ESRRG: variants seen among roughly 807,000 people sequenced by gnomAD.
ESRRG encodes the protein estrogen related receptor gamma, also known as estrogen-related receptor gamma.
ESRRG carries 13 observed loss-of-function variants against 44.0 expected under a neutral mutation model. That is an observed-to-expected ratio of 0.30 (90% CI 0.19 to 0.47). The LOEUF is 0.47. ESRRG is among the 20% of genes least tolerant of loss of function. The probability of loss-of-function intolerance (pLI) is 1.00; values close to 1 mark genes in which losing one functional copy is unlikely to be tolerated. For synonymous variants in ESRRG, 215 were observed against 214.6 expected (o/e 1.00, Z -0.02); for missense variants, 395 against 580.6 (o/e 0.68, Z 3.29).
chr1:216,981,294 C>T (rs1440419616), intron 1 of ESRRG, among the ~76,000 whole-genome samples: 11 of 152,162 alleles, frequency 7.2e-5, no homozygotes, highest in Non-Finnish European at 1.6e-4. Context: ...CACTGGATTT[C>T]TCAAAGAACG....
intron 1 of ESRRG, among the ~76,000 whole-genome samples, chr1:217,102,623 G>T (rs1302167470): frequency 1.3e-5 from 2 of 152,148 alleles, no homozygotes; most frequent in African/African-American, 4.8e-5. Flanking sequence ...TCAGACTTCT[G>T]AATAACCTTC....
chr1:216,949,700 C>A (rs1408454019), intron 1 of ESRRG, among the ~76,000 whole-genome samples: 1 of 152,102 alleles, frequency 6.6e-6, no homozygotes. Flanking sequence ...TCTCTGTCAT[C>A]TTCTACAACA....
intron 1 of ESRRG, among the ~76,000 whole-genome samples, chr1:216,978,227 C>T (rs778225082): frequency 1.3e-5 from 2 of 152,036 alleles, no homozygotes; most frequent in African/African-American, 4.8e-5. Flanking sequence ...CAATGCCTAC[C>T]TTTTTAAAAA....
At chr1:216,854,528 G>A (rs1291069650) in intron 2 of ESRRG, among the ~76,000 whole-genome samples, 1 of 152,050 alleles carries the variant, frequency 6.6e-6, no homozygotes, top group African/African-American at 2.4e-5. Flanking sequence ...ACAAGTCTGA[G>A]GATCAACAGG....
chr1:216,911,856 G>A (rs564156132), intron 2 of ESRRG, among the ~76,000 whole-genome samples: 3 of 152,006 alleles, frequency 2.0e-5, no homozygotes, highest in Admixed American at 6.6e-5. Context: ...GATCACGTGC[G>A]CTCAGGAGTT....
intron 1 of ESRRG, among the ~76,000 whole-genome samples, chr1:216,992,405 G>A (rs2075848879): frequency 1.3e-5 from 2 of 152,198 alleles, no homozygotes; most frequent in Non-Finnish European, 2.9e-5. Context: ...AAAACAAACA[G>A]TGCAAGAGTC....
chr1:216,960,501 A>G (rs1274687151), intron 1 of ESRRG, among the ~76,000 whole-genome samples: 1 of 152,114 alleles, frequency 6.6e-6, no homozygotes, highest in Admixed American at 6.6e-5. Context: ...ATTTTTCAAG[A>G]TGGTATCATA....
intron 1 of ESRRG, among the ~76,000 whole-genome samples, chr1:216,703,105 A>G (rs1467893872): frequency 2.6e-5 from 4 of 152,206 alleles, no homozygotes; most frequent in Non-Finnish European, 4.4e-5. Flanking sequence ...TACTTTGTTT[A>G]TCTAAGGAGT....
intron 3 of ESRRG, among the ~76,000 whole-genome samples, chr1:216,641,676 T>C (rs1393962533): frequency 6.6e-6 from 1 of 152,246 alleles, no homozygotes. Context: ...TAAGATGTCA[T>C]ACACTGACAA....
intron 2 of ESRRG, among the ~76,000 whole-genome samples, chr1:216,782,944 TCTC>T (rs1322169798): frequency 6.6e-6 from 1 of 152,004 alleles, no homozygotes; most frequent in African/African-American, 2.4e-5. Context: ...GAGATACTGT[TCTC>T]CTTCTCTTAA....
chr1:216,852,696 A>C (rs2095860137), intron 2 of ESRRG, among the ~76,000 whole-genome samples: 1 of 152,200 alleles, frequency 6.6e-6, no homozygotes, highest in Non-Finnish European at 1.5e-5. Flanking sequence ...AGTTTTGAGC[A>C]AAAACAGTTG....
intron 1 of ESRRG, among the ~76,000 whole-genome samples, chr1:217,013,570 AG>A (rs2078937664): frequency 6.6e-6 from 1 of 152,212 alleles, no homozygotes; most frequent in South Asian, 2.1e-4. Flanking sequence ...CAGATAATTT[AG>A]GGCTCACAGA....
chr1:216,509,137 T>C (rs1413157211), intron 6 of ESRRG, among the ~76,000 whole-genome samples: 3 of 152,220 alleles, frequency 2.0e-5, no homozygotes, highest in African/African-American at 7.2e-5. Flanking sequence ...TGGTAATATG[T>C]GTCAGACACA....
In ESRRG at chr1:216,554,743, G is replaced by T. The variant is rs1366047978; in HGVS notation, c.862+9476C>A. On this transcript the variant is annotated intron_variant, in intron 5 of 6. Coordinates refer to ENST00000408911, the MANE Select transcript of ESRRG (RefSeq NM_001438.4). ...GATTTGTTGAAAATTAAAGAAAAGA[G>T]AATAATAAAAATGTGTAGTTAAAGG... is the stretch of plus-strand genomic sequence containing the variant. 2.0e-5 allele frequency among the ~76,000 whole-genome samples: 3 copies of T among 152,116 alleles called. No homozygotes were observed. The East Asian group carries it at 5.8e-4, about 29-fold the overall frequency.
chr1:216,654,087 C>T (rs1247881887), intron 2 of ESRRG, among the ~76,000 whole-genome samples: 1 of 151,280 alleles, frequency 6.6e-6, no homozygotes, highest in African/African-American at 2.4e-5. Flanking sequence ...CATGCCACTG[C>T]ACTCCAGCCT....
chr1:217,018,272 G>T (rs1345036997), intron 1 of ESRRG, among the ~76,000 whole-genome samples: 1 of 151,694 alleles, frequency 6.6e-6, no homozygotes, highest in Non-Finnish European at 1.5e-5. Flanking sequence ...TCTCTACATT[G>T]CTAGGACAAG....
At chr1:217,061,415 C>T (rs950172311) in intron 1 of ESRRG, among the ~76,000 whole-genome samples, 2 of 152,092 alleles carry the variant, frequency 1.3e-5, no homozygotes, top group Non-Finnish European at 2.9e-5. Context: ...ATGCAAACCT[C>T]ACAGGAGCCA....
intron 2 of ESRRG, among the ~76,000 whole-genome samples, chr1:216,672,443 G>GA (rs2151422278): frequency 6.6e-6 from 1 of 152,272 alleles, no homozygotes; most frequent in East Asian, 1.9e-4. Context: ...GCTCTGAAAA[G>GA]AACAATTTGT....
chr1:216,913,258 T>C (rs890312754), intron 2 of ESRRG, among the ~76,000 whole-genome samples: 2 of 151,994 alleles, frequency 1.3e-5, no homozygotes, highest in Non-Finnish European at 2.9e-5. Context: ...ACTACTTACA[T>C]AGTTTTACAT....
Sources: gnomAD v4.1 joint callset for allele counts (sites outside exome capture counted in the v4.1 genomes callset) on GRCh38, gnomAD v4.1.1 for gene constraint, MANE v1.5 for transcripts, NCBI Gene and HGNC (gene_info 2026-07-23, HGNC 2026-07-21) for gene names.